Variants in RASA2 observed in about 807,000 individuals in gnomAD.
RASA2 encodes the protein ras GTPase-activating protein 2.
A neutral mutation model predicts 118.2 loss-of-function variants in RASA2; 155 were observed. That is an observed-to-expected ratio of 1.31 (90% CI 1.15 to 1.50). The LOEUF (loss-of-function observed/expected upper bound fraction) is 1.50. Ranked by LOEUF, RASA2 falls within the 40% of genes most tolerant of loss-of-function variation. The pLI is 0.00. For synonymous variants in RASA2, 353 were observed against 349.1 expected (o/e 1.01, Z -0.12); for missense variants, 1,016 against 1,009.6 (o/e 1.01, Z -0.09).
intron 1 of RASA2, among the ~76,000 whole-genome samples, chr3:141,497,039 A>G (rs2081712504): frequency 6.6e-6 from 1 of 152,034 alleles, no homozygotes; most frequent in African/African-American, 2.4e-5. Flanking sequence ...GCTGGAAACC[A>G]TCATTCTCAG....
rs558739914 is a variant in RASA2, at chr3:141,600,883, G to A, written c.1934-6795G>A. Among the ~76,000 whole-genome samples, 3 of 152,308 alleles carry A rather than the reference G, an allele frequency of 2.0e-5. No homozygotes were observed. The South Asian group carries it at 6.2e-4, about 32-fold the overall frequency. Reference sequence around the variant, plus strand: ...CAATGTTGAAAGGTAAAACAAAGTTGAGAGCTAATTTAAAGACTTACTGTA... The same window carrying A: ...CAATGTTGAAAGGTAAAACAAAGTTAAGAGCTAATTTAAAGACTTACTGTA... On this transcript the variant is annotated intron_variant, in intron 19 of 23. Coordinates refer to ENST00000286364, the MANE Select transcript of RASA2 (RefSeq NM_006506.5).
At chr3:141,493,639 A>T (rs2081664579) in intron 1 of RASA2, among the ~76,000 whole-genome samples, 1 of 152,246 alleles carries the variant, frequency 6.6e-6, no homozygotes, top group South Asian at 2.1e-4. Flanking sequence ...TGGTATAGTT[A>T]CAGTGAGATT....
At chr3:141,598,017 T>G (rs191004699) in intron 19 of RASA2, among the ~76,000 whole-genome samples, 72 of 152,210 alleles carry the variant, frequency 4.7e-4, no homozygotes, top group East Asian at 2.7e-3. Flanking sequence ...AAGAAAAAAG[T>G]AGAATATCTT....
intron 15 of RASA2, among the ~76,000 whole-genome samples, 198 bp downstream of exon 15, chr3:141,577,304 C>G (rs2107764698): frequency 6.6e-6 from 1 of 152,098 alleles, no homozygotes; most frequent in Non-Finnish European, 1.5e-5. Flanking sequence ...AAAAGATGTT[C>G]TACAAGAGTA....
chr3:141,569,126 C>T (rs965699532), intron 9 of RASA2, among the ~76,000 whole-genome samples: 4 of 152,002 alleles, frequency 2.6e-5, no homozygotes, highest in African/African-American at 2.4e-5. Flanking sequence ...ATATACAGCA[C>T]AAGAAAACGC....
chr3:141,570,822 G>T, intron 9 of RASA2, 90 bp from the exon 10 acceptor site: 6 of 1,261,080 alleles, frequency 4.8e-6, no homozygotes, highest in African/African-American at 1.6e-5. Flanking sequence ...TGACTTTTTT[G>T]GTTTAGTTTT....
chr3:141,572,468 A>T, intron 11 of RASA2, 141 bp from the exon 12 acceptor site: 1 of 577,256 alleles, frequency 1.7e-6, no homozygotes, highest in South Asian at 2.0e-5. Flanking sequence ...AAAATTACTA[A>T]AATTGTAGGT....
Position 141,612,394 on chromosome 3 carries a change from G to A in RASA2, c.*81G>A. 8.2e-7 allele frequency: 1 copy of A among 1,213,264 alleles called. No individual in the cohort carries two copies. Among genetic ancestry groups the A allele is most frequent in the Non-Finnish European group, 1.2e-6 (1 of 856,874 alleles). 75.2% of individuals were successfully genotyped at this position (1,213,264 alleles called of 1,614,324 possible). On this transcript the variant is annotated 3_prime_UTR_variant, in exon 24 of 24. Transcript: ENST00000286364. ...CAATTCATCATGTATTTTGTTCATGGTATTTAAGAATGAGCATCCGCTTCA... is the reference window on the plus strand; with the variant it reads ...CAATTCATCATGTATTTTGTTCATGATATTTAAGAATGAGCATCCGCTTCA...
intron 19 of RASA2, among the ~76,000 whole-genome samples, chr3:141,601,414 A>G (rs549917231): frequency 1.2e-4 from 19 of 152,170 alleles, no homozygotes; most frequent in African/African-American, 4.6e-4. Flanking sequence ...CAGCCTGGGC[A>G]ACAGAGAGAG....
At chr3:141,598,427 C>A (rs950283041) in intron 19 of RASA2, among the ~76,000 whole-genome samples, 3 of 152,064 alleles carry the variant, frequency 2.0e-5, no homozygotes, top group African/African-American at 7.2e-5. Context: ...AAAATAAAAA[C>A]TCTTGAATGA....
intron 8 of RASA2, among the ~76,000 whole-genome samples, chr3:141,559,170 TAAAC>T (rs1358746606): frequency 6.6e-6 from 1 of 152,206 alleles, no homozygotes; most frequent in Non-Finnish European, 1.5e-5. Context: ...ATTAATTTTA[TAAAC>T]AAAGATGATC....
intron 15 of RASA2, 148 bp from the exon 16 acceptor site, chr3:141,580,220 C>G: frequency 2.0e-6 from 1 of 506,916 alleles, no homozygotes; most frequent in Non-Finnish European, 3.4e-6. Context: ...GAGTTGTACC[C>G]AGCCTTAGCT....
At chr3:141,527,331 T>C (rs1208839565) in intron 3 of RASA2, among the ~76,000 whole-genome samples, 1 of 152,166 alleles carries the variant, frequency 6.6e-6, no homozygotes, top group Non-Finnish European at 1.5e-5. Flanking sequence ...AGAAGTCTAC[T>C]GATTCGTTTC....
At chr3:141,609,352 C>G in intron 21 of RASA2, 68 bp from the exon 22 acceptor site, 1 of 946,792 alleles carries the variant, frequency 1.1e-6, no homozygotes, top group Non-Finnish European at 1.5e-6. Flanking sequence ...CTCAAACCAT[C>G]AGAAGTCCTT....
At chr3:141,491,972 A>T (rs113465329) in intron 1 of RASA2, among the ~76,000 whole-genome samples, 2,831 of 152,322 alleles carry the variant, frequency 0.019, 34 homozygotes, top group Non-Finnish European at 0.027. Flanking sequence ...TATTCATGCT[A>T]AGAGTTCATT....
intron 2 of RASA2, among the ~76,000 whole-genome samples, chr3:141,513,013 A>G (rs2081973376): frequency 6.6e-6 from 1 of 151,388 alleles, no homozygotes; most frequent in African/African-American, 2.4e-5. Flanking sequence ...CAGTGAGCCA[A>G]GATTATGCCA....
intron 1 of RASA2, 115 bp downstream of exon 1, chr3:141,487,331 G>C (rs1369769972): frequency 8.7e-7 from 1 of 1,155,402 alleles, no homozygotes; most frequent in Non-Finnish European, 1.1e-6. Flanking sequence ...GGGCCCGGGA[G>C]GGGGCCTGGG....
intron 8 of RASA2, 99 bp downstream of exon 8, chr3:141,559,061 A>G: frequency 2.1e-6 from 2 of 955,626 alleles, no homozygotes. Context: ...AGAATTCTCT[A>G]TAGCAAGTTG....
intron 3 of RASA2, among the ~76,000 whole-genome samples, chr3:141,517,897 T>C (rs953291828): frequency 4.6e-5 from 7 of 151,856 alleles, no homozygotes; most frequent in African/African-American, 1.7e-4. Flanking sequence ...CCTCGTGATC[T>C]GCCCACCTCG....
Sources: gnomAD v4.1 joint callset for allele counts (sites outside exome capture counted in the v4.1 genomes callset) on GRCh38, gnomAD v4.1.1 for gene constraint, MANE v1.5 for transcripts, NCBI Gene and HGNC (gene_info 2026-07-23, HGNC 2026-07-21) for gene names.